MAP3K4: variants seen among roughly 807,000 people sequenced by gnomAD.
The protein encoded by MAP3K4 is MAP three kinase 1.
MAP3K4 carries 67 observed loss-of-function variants against 185.6 expected under a neutral mutation model. The observed-to-expected ratio is 0.36, with a 90% CI of 0.30 to 0.44. MAP3K4 has a LOEUF of 0.44. MAP3K4 is among the 20% of genes least tolerant of loss of function. MAP3K4 has a pLI of 1.00. For synonymous variants in MAP3K4, 702 were observed against 710.4 expected, an observed-to-expected ratio of 0.99 and a Z score of 0.19; for missense variants, 1,551 against 1,995.1, an observed-to-expected ratio of 0.78 and a Z score of 4.24.
At position 161,017,760 on chromosome 6, in the gene MAP3K4, T is replaced by C. The variant is rs936805181; in HGVS notation, c.153-16499T>C. 5.9e-5 allele frequency among the ~76,000 whole-genome samples: 9 copies of C among 152,206 alleles called. No homozygotes were observed. The highest frequency in any genetic ancestry group is 2.2e-4 in the African/African-American group (9 of 41,460). On this transcript the variant is annotated intron_variant, in intron 1 of 26. Coordinates refer to ENST00000392142, the MANE Select transcript of MAP3K4 (RefSeq NM_005922.4). The surrounding 1 kb of genome is among the most constrained non-coding windows in gnomAD (Gnocchi z 5.1). ...CTCCTTTGCTTCCTAAAGACACTGCTGTGTGATCCTATTATATAATACTTA... is the reference window on the plus strand; with the variant it reads ...CTCCTTTGCTTCCTAAAGACACTGCCGTGTGATCCTATTATATAATACTTA...
At chr6:161,111,734 T>G (rs950105147) in intron 23 of MAP3K4, 102 bp from the exon 24 acceptor site, 13 of 1,109,536 alleles carry the variant, frequency 1.2e-5, no homozygotes, top group Non-Finnish European at 1.7e-5. Flanking sequence ...GCCTTTCGAT[T>G]GTTTAGCTTG....
Position 161,076,331 on chromosome 6 carries a change from T to A in MAP3K4, c.2097+2719T>A, listed in dbSNP as rs540250421. On this transcript the variant is annotated intron_variant, in intron 5 of 26. Transcript: ENST00000392142. This position sits in a 1 kb window ranked among gnomAD's most constrained non-coding sequence, Gnocchi z 4.2. ...GCTATACCGCAGCCTTCTCTGGTTGTCAGGAAGACTGCCGAATGGGAGCTC... is the reference window on the plus strand; with the variant it reads ...GCTATACCGCAGCCTTCTCTGGTTGACAGGAAGACTGCCGAATGGGAGCTC... 1.3e-5 allele frequency among the ~76,000 whole-genome samples: 2 copies of A among 152,230 alleles called. No individual in the cohort carries two copies. The highest frequency in any genetic ancestry group is 1.3e-4 in the Admixed American group (2 of 15,274).
chr6:161,010,267 A>C (rs2115075765), intron 1 of MAP3K4, among the ~76,000 whole-genome samples: 1 of 152,316 alleles, frequency 6.6e-6, no homozygotes, highest in East Asian at 1.9e-4. Context: ...ATAAATCAGT[A>C]ACTTTCTTTG....
At chr6:161,099,208 A>G (rs781210271) in intron 17 of MAP3K4, among the ~76,000 whole-genome samples, 1 of 152,204 alleles carries the variant, frequency 6.6e-6, no homozygotes. Context: ...GGGGTATGTG[A>G]TCTAAAAAGA....
At chr6:161,010,104 A>C (rs1161227341) in intron 1 of MAP3K4, among the ~76,000 whole-genome samples, 1 of 152,186 alleles carries the variant, frequency 6.6e-6, no homozygotes, top group Admixed American at 6.5e-5. Context: ...TCACTCAGCT[A>C]TTTACATTTC....
At position 161,080,321 on chromosome 6, in the gene MAP3K4, A is replaced by G. The variant is rs572343304; in HGVS notation, c.2098-560A>G. Among the ~76,000 whole-genome samples the G allele has an allele frequency of 2.6e-5, 4 of 152,336 alleles. No individual in the cohort carries two copies. Among genetic ancestry groups the G allele is most frequent in the African/African-American group, 9.6e-5 (4 of 41,576 alleles). On this transcript the variant is annotated intron_variant, in intron 5 of 26. Transcript: ENST00000392142. This position sits in a 1 kb window ranked among gnomAD's most constrained non-coding sequence, Gnocchi z 4.8. ...ATTTAAGAACGGGAAAGCTGTTGTA[A>G]TAGGACTTGTGGTGGGCATAAATCC...
chr6:161,025,589 A>T (rs914478712), intron 1 of MAP3K4, among the ~76,000 whole-genome samples: 18 of 152,240 alleles, frequency 1.2e-4, no homozygotes, highest in Admixed American at 2.0e-4. Flanking sequence ...TCAGCTAAGG[A>T]GATCCAGGCA....
chr6:161,009,812 C>T (rs974771135), intron 1 of MAP3K4, among the ~76,000 whole-genome samples: 1 of 152,028 alleles, frequency 6.6e-6, no homozygotes, highest in Non-Finnish European at 1.5e-5. Context: ...TAAAAAGCTC[C>T]TGAGAACACA....
Position 161,098,872 on chromosome 6 carries a change from G to T in MAP3K4, c.3674+445G>T, listed in dbSNP as rs1777704662. ...AAATACTCTATTTTAAATAATTGTT[G>T]ATTAGAAGTAGTTTATAGAAGTGGA... On this transcript the variant is annotated intron_variant, in intron 17 of 26. Transcript: ENST00000392142. The surrounding 1 kb of genome is among the most constrained non-coding windows in gnomAD (Gnocchi z 4.4). Among the ~76,000 whole-genome samples the T allele has an allele frequency of 6.6e-6, 1 of 152,166 alleles. No homozygotes were observed. The highest frequency in any genetic ancestry group is 1.5e-5 in the Non-Finnish European group (1 of 68,036).
intron 1 of MAP3K4, among the ~76,000 whole-genome samples, chr6:160,993,364 T>C (rs1280440608): frequency 2.0e-5 from 3 of 152,220 alleles, no homozygotes; most frequent in Non-Finnish European, 2.9e-5. Context: ...TGATACCTTT[T>C]TCTTTAAAAT....
At chr6:161,006,931 G>A (rs972735410) in intron 1 of MAP3K4, among the ~76,000 whole-genome samples, 9 of 152,086 alleles carry the variant, frequency 5.9e-5, no homozygotes, top group African/African-American at 2.2e-4. Flanking sequence ...CAGGTTCTCT[G>A]TCATCTTTCC....
chr6:161,028,212 C>A (rs1562490703), intron 1 of MAP3K4, among the ~76,000 whole-genome samples: 1 of 152,158 alleles, frequency 6.6e-6, no homozygotes, highest in African/African-American at 2.4e-5. Flanking sequence ...TTTTTGTCTG[C>A]ATGTTTCATT....
intron 6 of MAP3K4, among the ~76,000 whole-genome samples, chr6:161,083,631 T>A (rs1372985574): frequency 1.3e-5 from 2 of 152,106 alleles, no homozygotes; most frequent in Non-Finnish European, 2.9e-5. Context: ...TTCATGAACA[T>A]GCTTGCTTGA....
At position 161,112,832 on chromosome 6, in the gene MAP3K4, G is replaced by A; in HGVS notation, c.4626+58G>A. On this transcript the variant is annotated intron_variant, in intron 25 of 26. Coordinates refer to ENST00000392142, the MANE Select transcript of MAP3K4 (RefSeq NM_005922.4). This position sits in a 1 kb window ranked among gnomAD's most constrained non-coding sequence, Gnocchi z 5.1. ...TTCAGAAGGGCACTGTGCATTAACA[G>A]AACAGTAGTTATGGATTGATTATTT... The A allele has an allele frequency of 8.8e-7, 1 of 1,139,462 alleles. No homozygotes were observed. Among genetic ancestry groups the A allele is most frequent in the Non-Finnish European group, 1.2e-6 (1 of 819,810 alleles). The allele number at this position is 1,139,462 out of a possible 1,614,324, so 70.6% of individuals were successfully genotyped here.
chr6:161,105,194 G>C (rs1778015109), intron 19 of MAP3K4, among the ~76,000 whole-genome samples: 1 of 152,182 alleles, frequency 6.6e-6, no homozygotes, highest in African/African-American at 2.4e-5. Flanking sequence ...TCACAGAACT[G>C]TTAAATGTGT....
chr6:161,020,516 G>A (rs1369918225), intron 1 of MAP3K4, among the ~76,000 whole-genome samples: 1 of 151,956 alleles, frequency 6.6e-6, no homozygotes, highest in Non-Finnish European at 1.5e-5. Context: ...ATATTAGCTG[G>A]GCGTGGTAGT....
intron 5 of MAP3K4, among the ~76,000 whole-genome samples, chr6:161,078,159 T>G (rs1785267861): frequency 6.6e-6 from 1 of 152,014 alleles, no homozygotes; most frequent in South Asian, 2.1e-4. Context: ...ATGGGGAAGT[T>G]TCAAACTGGT....
At position 161,091,250 on chromosome 6, in the gene MAP3K4, T is replaced by A; in HGVS notation, c.2974-129T>A. On this transcript the variant is annotated intron_variant, in intron 11 of 26. Coordinates refer to ENST00000392142, the MANE Select transcript of MAP3K4 (RefSeq NM_005922.4). This position sits in a 1 kb window ranked among gnomAD's most constrained non-coding sequence, Gnocchi z 5.5. Reference sequence around the variant, plus strand: ...AATTTCTTCTATATTTGGTAATTCCTTTACCAAGTGGCTGAATTGTTTGTA... The same window carrying A: ...AATTTCTTCTATATTTGGTAATTCCATTACCAAGTGGCTGAATTGTTTGTA... The A allele has an allele frequency of 1.6e-6, 1 of 641,200 alleles. No individual in the cohort carries two copies. The highest frequency in any genetic ancestry group is 2.9e-5 in the East Asian group (1 of 34,916). The allele number at this position is 641,200 out of a possible 1,614,324, so 39.7% of individuals were successfully genotyped here. A position where few individuals can be genotyped will look rare whatever the true frequency, so the allele number is the denominator to read the frequency against.
chr6:161,031,452 G>A (rs1382130328), intron 1 of MAP3K4, among the ~76,000 whole-genome samples: 1 of 152,102 alleles, frequency 6.6e-6, no homozygotes, highest in Non-Finnish European at 1.5e-5. Flanking sequence ...TAAAGCACAG[G>A]ACTCAATTCC....
Sources: allele counts gnomAD v4.1 joint callset (sites outside exome capture counted in the v4.1 genomes callset), GRCh38; gene constraint gnomAD v4.1.1; non-coding constraint Gnocchi (gnomAD v3.1); transcripts MANE v1.5; gene names NCBI Gene and HGNC (gene_info 2026-07-23, HGNC 2026-07-21).